Variants in ITPA observed in about 807,000 individuals in gnomAD.
ITPA encodes inosine triphosphate pyrophosphatase.
Under a neutral mutation model 29.6 loss-of-function variants are expected in ITPA, and 29 were observed. The observed-to-expected ratio is 0.98, with a 90% CI of 0.73 to 1.34. The LOEUF (loss-of-function observed/expected upper bound fraction) is 1.34, where lower values mean the gene tolerates loss of function less well. Ranked by LOEUF, ITPA falls within the 40% of genes most tolerant of loss-of-function variation. The probability of loss-of-function intolerance (pLI) is 0.00; values close to 1 mark genes in which losing one functional copy is unlikely to be tolerated. For synonymous variants in ITPA, 103 were observed against 99.3 expected, an observed-to-expected ratio of 1.04 and a Z score of -0.22; for missense variants, 241 against 251.5, an observed-to-expected ratio of 0.96 and a Z score of 0.28.
At chr20:3,225,767 G>A (rs2067547802), downstream of ITPA, among the ~76,000 whole-genome samples, 1 of 152,174 alleles carries the variant, frequency 6.6e-6, no homozygotes, top group African/African-American at 2.4e-5. Flanking sequence ...GGTGGCTCAT[G>A]CCTGTAATCC....
At position 3,218,586 on chromosome 20, in the gene ITPA, C is replaced by G. The variant is rs999244762; in HGVS notation, c.365C>G (p.Thr122Ser). The G allele has an allele frequency of 1.2e-6, 2 of 1,613,938 alleles. No homozygotes were observed. Among genetic ancestry groups the G allele is most frequent in the Non-Finnish European group, 1.7e-6 (2 of 1,180,024 alleles). ...AYALCTFALS[T>S]GDPSQPVRLF... is the part of the protein sequence containing the mutation. ...GCGCTCTGCACGTTTGCACTCAGCACCGGGGACCCAAGCCAGCCCGTGCGC... is the reference window on the plus strand; with the variant it reads ...GCGCTCTGCACGTTTGCACTCAGCAGCGGGGACCCAAGCCAGCCCGTGCGC... Residue 122 changes from threonine (T) to serine (S), a missense_variant, in exon 6 of 8, where the codon ACC becomes AGC. Coordinates refer to ENST00000380113, the MANE Select transcript of ITPA (RefSeq NM_033453.4).
chr20:3,226,367 G>GT (rs1241709330), downstream of ITPA, among the ~76,000 whole-genome samples: 2 of 152,212 alleles, frequency 1.3e-5, no homozygotes, highest in African/African-American at 2.4e-5. This position sits in a 1 kb window ranked among gnomAD's most constrained non-coding sequence, Gnocchi z 4.4. Flanking sequence ...GGAGGAAAAC[G>GT]TTTTGAGTTG....
intron 3 of ITPA, 115 bp downstream of exon 3, chr20:3,213,498 C>G (rs1006005169): frequency 4.8e-6 from 6 of 1,253,690 alleles, no homozygotes; most frequent in African/African-American, 1.5e-5. Flanking sequence ...TAGGACCGGC[C>G]CAGAGTCCTC....
chr20:3,226,601 C>T (rs530921743), downstream of ITPA, among the ~76,000 whole-genome samples: 1 of 152,254 alleles, frequency 6.6e-6, no homozygotes, highest in Admixed American at 6.5e-5. The surrounding 1 kb of genome is among the most constrained non-coding windows in gnomAD (Gnocchi z 4.4). Flanking sequence ...TTCCCCTGTT[C>T]ACGGCCTCTG....
rs1023200994 is a variant in ITPA, at chr20:3,209,734, C to T, written c.66+117C>T. On this transcript the variant is annotated intron_variant, in intron 1 of 7. Coordinates refer to ENST00000380113, the MANE Select transcript of ITPA (RefSeq NM_033453.4). This position sits in a 1 kb window ranked among gnomAD's most constrained non-coding sequence, Gnocchi z 4.6. ...CATGGAGAGAGAACAGAATTCAGCC[C>T]GGAAGAATGGGTCCTGACCCGGCTG... 2.4e-6 allele frequency: 2 copies of T among 829,088 alleles called. No homozygotes were observed. Among genetic ancestry groups the T allele is most frequent in the Non-Finnish European group, 2.0e-6 (1 of 511,478 alleles). 51.4% of individuals were successfully genotyped at this position (829,088 alleles called of 1,614,324 possible). A position where few individuals can be genotyped will look rare whatever the true frequency, so the allele number is the denominator to read the frequency against.
At chr20:3,219,857 G>T (rs1366218757) in intron 6 of ITPA, among the ~76,000 whole-genome samples, 1 of 151,724 alleles carries the variant, frequency 6.6e-6, no homozygotes, top group Admixed American at 6.6e-5. Flanking sequence ...GACCAGCCTG[G>T]GTAACATAGC....
At chr20:3,225,804 A>G (rs1600546616), downstream of ITPA, among the ~76,000 whole-genome samples, 1 of 152,174 alleles carries the variant, frequency 6.6e-6, no homozygotes, top group East Asian at 1.9e-4. Flanking sequence ...CAAGGCAGGC[A>G]GATCACTTGA....
chr20:3,220,114 A>AC (rs1176007270), intron 6 of ITPA, among the ~76,000 whole-genome samples: 1 of 149,962 alleles, frequency 6.7e-6, no homozygotes, highest in Non-Finnish European at 1.5e-5. Flanking sequence ...TGTATTCAAC[A>AC]CCCCCTACTG....
chr20:3,218,488 T>C (rs1159260002), intron 5 of ITPA, 29 bp from the exon 6 acceptor site: 1 of 1,473,874 alleles, frequency 6.8e-7, no homozygotes, highest in East Asian at 2.3e-5. Flanking sequence ...CCATTAGGGA[T>C]GCACTGAGCC....
At chr20:3,216,321 A>G (rs1422846485) in intron 5 of ITPA, among the ~76,000 whole-genome samples, 1 of 150,862 alleles carries the variant, frequency 6.6e-6, no homozygotes, top group Non-Finnish European at 1.5e-5. Flanking sequence ...CACCATGCCC[A>G]GCTAATTTTT....
rs536879472 is a variant in ITPA at position 3,216,105 on chromosome 20, C to T, written c.295+793C>T. On this transcript the variant is annotated intron_variant, in intron 5 of 7. Coordinates refer to ENST00000380113, the MANE Select transcript of ITPA (RefSeq NM_033453.4). ...TCCCTGGTTCAAGCGATCCTCCTGCCTCAGCCTCCCAAGCAACTGGGATTA... is the reference window on the plus strand; with the variant it reads ...TCCCTGGTTCAAGCGATCCTCCTGCTTCAGCCTCCCAAGCAACTGGGATTA... Among the ~76,000 whole-genome samples the T allele has an allele frequency of 1.4e-3, 209 of 152,086 alleles. 1 individual carries two copies. The highest frequency in any genetic ancestry group is 2.7e-3 in the Non-Finnish European group (183 of 68,000).
At chr20:3,214,650 G>A (rs1007675837) in intron 4 of ITPA, among the ~76,000 whole-genome samples, 6 of 151,834 alleles carry the variant, frequency 4.0e-5, no homozygotes, top group East Asian at 1.9e-4. Flanking sequence ...CGCGATCTCC[G>A]CTAACTGCAA....
At chr20:3,212,963 G>A (rs896085756) in intron 1 of ITPA, among the ~76,000 whole-genome samples, 3 of 151,938 alleles carry the variant, frequency 2.0e-5, no homozygotes, top group African/African-American at 7.2e-5. Flanking sequence ...GAGACCTGAC[G>A]TAGAAGAGAT....
intron 3 of ITPA, 29 bp downstream of exon 3, chr20:3,213,412 G>C (rs2067219153): frequency 2.5e-6 from 4 of 1,612,944 alleles, no homozygotes; most frequent in Non-Finnish European, 3.4e-6. Flanking sequence ...TCCCACACTT[G>C]CTCTTCTTGT....
At chr20:3,207,687 T>TC (rs1266478009), upstream of ITPA, among the ~76,000 whole-genome samples, 1 of 107,918 alleles carries the variant, frequency 9.3e-6, no homozygotes, top group Non-Finnish European at 2.3e-5. Flanking sequence ...AGAGCAAGAC[T>TC]CCATCTCAAA....
chr20:3,222,917 G>A lies in ITPA; in HGVS notation c.489-449G>A, dbSNP rs78858409. Reference sequence around the variant, plus strand: ...ACAGAGCAGTCTGCAGGCCACGGGCGGGGTATGGGATTCTCACCTCACTGC... The same window carrying A: ...ACAGAGCAGTCTGCAGGCCACGGGCAGGGTATGGGATTCTCACCTCACTGC... On this transcript the variant is annotated intron_variant, in intron 7 of 7. Transcript: ENST00000380113. Among the ~76,000 whole-genome samples, 71 of 152,356 alleles carry A rather than the reference G, an allele frequency of 4.7e-4. No homozygotes were observed. In the East Asian group the frequency reaches 0.013, roughly 27 times the overall value.
At chr20:3,204,440 G>A, upstream of ITPA, 5 of 1,296,824 alleles carry the variant, frequency 3.9e-6, no homozygotes, top group Non-Finnish European at 5.3e-6. Flanking sequence ...CGCCCGCCCA[G>A]GTGCGCACGC....
At chr20:3,215,037 T>C (rs2067261099) in intron 4 of ITPA, among the ~76,000 whole-genome samples, 1 of 152,118 alleles carries the variant, frequency 6.6e-6, no homozygotes, top group Non-Finnish European at 1.5e-5. Flanking sequence ...GCCAGTTTTT[T>C]TGCATTTTTT....
chr20:3,215,094 T>G, intron 4 of ITPA, 187 bp from the exon 5 acceptor site: 1 of 623,066 alleles, frequency 1.6e-6, no homozygotes, highest in Non-Finnish European at 2.9e-6. Flanking sequence ...CTCAAACTCC[T>G]GAGCTCAAGC....
Sources: gnomAD v4.1 joint callset for allele counts (sites outside exome capture counted in the v4.1 genomes callset) on GRCh38, gnomAD v4.1.1 for gene constraint, Gnocchi (gnomAD v3.1) non-coding constraint, MANE v1.5 for transcripts, NCBI Gene and HGNC (gene_info 2026-07-23, HGNC 2026-07-21) for gene names.